Variants in UBE3A observed in about 807,000 individuals in gnomAD.
UBE3A encodes ubiquitin-protein ligase E3A.
Under a neutral mutation model 83.4 loss-of-function variants are expected in UBE3A, and 6 were observed. The ratio of observed to expected loss-of-function variants is 0.07; its 90% CI spans 0.04 to 0.14. The LOEUF is 0.14. UBE3A is among the 10% of genes least tolerant of loss of function. UBE3A has a pLI of 1.00. For synonymous variants in UBE3A, 337 were observed against 355.4 expected (o/e 0.95, Z 0.58); for missense variants, 456 against 1,036.1 (o/e 0.44, Z 7.69).
chr15:25,401,971 T>A (rs775726535), intron 4 of UBE3A, among the ~76,000 whole-genome samples: 1 of 152,244 alleles, frequency 6.6e-6, no homozygotes, highest in Admixed American at 6.5e-5. Context: ...TATCTGCATT[T>A]TCTTGAAATT....
At chr15:25,360,314 A>C in intron 7 of UBE3A, 69 bp downstream of exon 7, 1 of 1,599,784 alleles carries the variant, frequency 6.3e-7, no homozygotes, top group Middle Eastern at 1.7e-4. Flanking sequence ...AATATTTACA[A>C]AGTAAGATAA....
chr15:25,414,245 T>C (rs1465349365), intron 1 of UBE3A, among the ~76,000 whole-genome samples: 1 of 152,162 alleles, frequency 6.6e-6, no homozygotes, highest in African/African-American at 2.4e-5. Context: ...CATTACTTTC[T>C]CCCCCTCATT....
At chr15:25,385,952 G>A (rs1463079264) in intron 4 of UBE3A, among the ~76,000 whole-genome samples, 1 of 152,112 alleles carries the variant, frequency 6.6e-6, no homozygotes, top group Non-Finnish European at 1.5e-5. Flanking sequence ...CCTCAGCAGG[G>A]GAGGCAAAGA....
chr15:25,334,800 AAT>A lies in UBE3A; in HGVS notation c.*4335_*4336del, dbSNP rs746431230. 1 of 152,164 alleles carries A rather than the reference AAT, an allele frequency of 6.6e-6. No individual in the cohort carries two copies. Among genetic ancestry groups the A allele is most frequent in the South Asian group, 2.1e-4 (1 of 4,830 alleles). The allele number at this position is 152,164 out of a possible 1,614,324, so 9.4% of individuals were successfully genotyped here. ...GTACCAGGACCATTCATGGGGAAAT[AAT>A]AGTCTTTTCAACAACTGGTGCTTGG... On this transcript the variant is annotated 3_prime_UTR_variant, in exon 13 of 13. Transcript: ENST00000648336.
chr15:25,386,310 C>A (rs1406088457), intron 4 of UBE3A, among the ~76,000 whole-genome samples: 2 of 152,028 alleles, frequency 1.3e-5, no homozygotes, highest in Non-Finnish European at 2.9e-5. Flanking sequence ...TACATCATGT[C>A]CAAGCTATCA....
At chr15:25,405,954 G>C (rs2088425610) in intron 3 of UBE3A, among the ~76,000 whole-genome samples, 1 of 152,150 alleles carries the variant, frequency 6.6e-6, no homozygotes, top group Non-Finnish European at 1.5e-5. Context: ...TAAAGCTTAG[G>C]CCAGCCATGT....
At position 25,363,870 on chromosome 15, in the gene UBE3A, A is replaced by G. The variant is rs574159825; in HGVS notation, c.1609-3343T>C. Among the ~76,000 whole-genome samples the G allele has an allele frequency of 2.6e-4, 40 of 152,176 alleles. No individual in the cohort carries two copies. In the South Asian group the frequency reaches 7.5e-3, roughly 28 times the overall value. ...ATTTTAGATTACCATTCTGGTACAC[A>G]TAAGTGATTTCATAAAATACTGTAC... On this transcript the variant is annotated intron_variant, in intron 6 of 12. Transcript: ENST00000648336.
At chr15:25,353,237 G>C (rs1463473854) in intron 11 of UBE3A, among the ~76,000 whole-genome samples, 2 of 152,170 alleles carry the variant, frequency 1.3e-5, no homozygotes, top group South Asian at 2.1e-4. Flanking sequence ...ACTGCTGCCA[G>C]AAATGACCAA....
At chr15:25,396,253 T>G (rs1339504559) in intron 4 of UBE3A, among the ~76,000 whole-genome samples, 1 of 151,612 alleles carries the variant, frequency 6.6e-6, no homozygotes, top group East Asian at 1.9e-4. Flanking sequence ...TTAAGAAAAC[T>G]AAGGTGTCTA....
chr15:25,431,027 A>T (rs948727793), intron 1 of UBE3A, among the ~76,000 whole-genome samples: 1 of 152,240 alleles, frequency 6.6e-6, no homozygotes, highest in Non-Finnish European at 1.5e-5. Context: ...GAAATGCAGA[A>T]ATCTTGATTT....
chr15:25,407,405 A>T, intron 3 of UBE3A: 1 of 448,258 alleles, frequency 2.2e-6, no homozygotes, highest in Non-Finnish European at 3.1e-6. Flanking sequence ...GTAAGACACA[A>T]GAAGAAAAAC....
intron 4 of UBE3A, among the ~76,000 whole-genome samples, chr15:25,402,771 C>A (rs1282471657): frequency 2.0e-5 from 3 of 152,182 alleles, no homozygotes; most frequent in Non-Finnish European, 4.4e-5. Context: ...TCCTTCTTAC[C>A]CTTTTCAATG....
intron 1 of UBE3A, among the ~76,000 whole-genome samples, chr15:25,414,074 G>T (rs2090457429): frequency 6.6e-6 from 1 of 152,126 alleles, no homozygotes; most frequent in Non-Finnish European, 1.5e-5. Context: ...GTCTGGCATG[G>T]TATGCCTGCA....
chr15:25,341,424 T>G (rs1206527350), intron 11 of UBE3A, among the ~76,000 whole-genome samples: 1 of 151,876 alleles, frequency 6.6e-6, no homozygotes, highest in Non-Finnish European at 1.5e-5. Context: ...AAAAGTATTT[T>G]TAGTTGCTTA....
intron 4 of UBE3A, among the ~76,000 whole-genome samples, chr15:25,380,250 T>TC (rs1566993325): frequency 6.6e-6 from 1 of 152,100 alleles, no homozygotes; most frequent in East Asian, 1.9e-4. Flanking sequence ...CTTTTTTTTT[T>TC]CCCAGTCTCA....
chr15:25,412,906 T>C (rs1349917852), intron 1 of UBE3A: 2 of 312,944 alleles, frequency 6.4e-6, no homozygotes, highest in African/African-American at 2.3e-5. Flanking sequence ...CTCGCAAAGA[T>C]TTTCATTCAG....
Position 25,335,157 on chromosome 15 carries a change from G to A in UBE3A, c.*3980C>T, listed in dbSNP as rs1328093448. On this transcript the variant is annotated 3_prime_UTR_variant, in exon 13 of 13. Coordinates refer to ENST00000648336, the MANE Select transcript of UBE3A (RefSeq NM_130839.5). Reference sequence around the variant, plus strand: ...GTAAGAATCCCAGTGACTCCTCACTGTTCAACTAAGAAATGTACCCCATTA... The same window carrying A: ...GTAAGAATCCCAGTGACTCCTCACTATTCAACTAAGAAATGTACCCCATTA... The A allele has an allele frequency of 1.3e-5, 2 of 152,188 alleles. No homozygotes were observed. The highest frequency in any genetic ancestry group is 2.4e-5 in the African/African-American group (1 of 41,452). The allele number at this position is 152,188 out of a possible 1,614,324, so 9.4% of individuals were successfully genotyped here. A position where few individuals can be genotyped will look rare whatever the true frequency, so the allele number is the denominator to read the frequency against.
intron 1 of UBE3A, among the ~76,000 whole-genome samples, chr15:25,429,746 T>C (rs931814611): frequency 2.6e-5 from 4 of 151,928 alleles, no homozygotes; most frequent in African/African-American, 9.7e-5. Flanking sequence ...GGCTCATGCC[T>C]GTAATCCCAG....
chr15:25,400,041 G>A (rs184345154), intron 4 of UBE3A, among the ~76,000 whole-genome samples: 94 of 152,216 alleles, frequency 6.2e-4, no homozygotes, highest in Admixed American at 2.2e-3. Flanking sequence ...CTGTTTTCTA[G>A]TTCTGTGAAA....
Sources: gnomAD v4.1 joint callset for allele counts (sites outside exome capture counted in the v4.1 genomes callset) on GRCh38, gnomAD v4.1.1 for gene constraint, MANE v1.5 for transcripts, NCBI Gene and HGNC (gene_info 2026-07-23, HGNC 2026-07-21) for gene names.